The following ASIC2 variants were observed in gnomAD, a reference collection of about 807,000 sequenced individuals.
The protein encoded by ASIC2 is acid-sensing ion channel 2.
Under a neutral mutation model 57.3 loss-of-function variants are expected in ASIC2, and 25 were observed. That is an observed-to-expected ratio of 0.44 (90% CI 0.32 to 0.61). The LOEUF is 0.61. Ranked by LOEUF, ASIC2 falls within the 20% of genes least tolerant of loss-of-function variation. The pLI, the probability that ASIC2 is intolerant of heterozygous loss-of-function variation, is 0.06. For missense variants in ASIC2, 641 were observed against 738.1 expected, an observed-to-expected ratio of 0.87 and a Z score of 1.52; for synonymous variants, 319 against 307.5, an observed-to-expected ratio of 1.04 and a Z score of -0.39.
chr17:33,386,275 A>T (rs992598466), intron 1 of ASIC2, among the ~76,000 whole-genome samples: 1 of 152,134 alleles, frequency 6.6e-6, no homozygotes, highest in East Asian at 1.9e-4. Context: ...CTAGGTGTCC[A>T]CTTTGCTTCT....
At chr17:34,083,968 A>G (rs532329944) in intron 1 of ASIC2, among the ~76,000 whole-genome samples, 1 of 152,180 alleles carries the variant, frequency 6.6e-6, no homozygotes, top group South Asian at 2.1e-4. Flanking sequence ...CCCATTCTGT[A>G]GGTTGCCTGT....
chr17:33,696,277 C>T (rs1468788492), intron 1 of ASIC2, among the ~76,000 whole-genome samples: 1 of 152,202 alleles, frequency 6.6e-6, no homozygotes, highest in Non-Finnish European at 1.5e-5. Flanking sequence ...CTTGTACAGA[C>T]TGACCCAGCT....
chr17:33,170,302 AT>A lies in ASIC2; in HGVS notation c.709-58236del, dbSNP rs370573263. Among the ~76,000 whole-genome samples, 26 of 152,356 alleles carry A rather than the reference AT, an allele frequency of 1.7e-4. No individual in the cohort carries two copies. The South Asian group carries it at 4.8e-3, about 28-fold the overall frequency. Reference sequence around the variant, plus strand: ...TGAGAAGTTTAGATATAAGAAAATCATCAGTGATTACTTATATTACAAAAAG... The same window carrying A: ...TGAGAAGTTTAGATATAAGAAAATCACAGTGATTACTTATATTACAAAAAG... On this transcript the variant is annotated intron_variant, in intron 1 of 9. Transcript: ENST00000225823.
chr17:33,087,266 C>T (rs2092137930), intron 3 of ASIC2, among the ~76,000 whole-genome samples: 1 of 152,158 alleles, frequency 6.6e-6, no homozygotes, highest in Non-Finnish European at 1.5e-5. Context: ...CCTCCTTTGT[C>T]CTCAAGGATA....
chr17:33,406,393 A>T (rs899374082), intron 1 of ASIC2, among the ~76,000 whole-genome samples: 1 of 152,186 alleles, frequency 6.6e-6, no homozygotes, highest in African/African-American at 2.4e-5. Flanking sequence ...ATAAATAATG[A>T]TGGGTGGGCC....
At chr17:33,362,812 T>C (rs1280808803) in intron 1 of ASIC2, among the ~76,000 whole-genome samples, 1 of 152,184 alleles carries the variant, frequency 6.6e-6, no homozygotes, top group Non-Finnish European at 1.5e-5. Context: ...AGAGCAGGCA[T>C]TGTTTGAGCA....
At chr17:33,103,954 C>T (rs991570862) in intron 2 of ASIC2, among the ~76,000 whole-genome samples, 1 of 152,184 alleles carries the variant, frequency 6.6e-6, no homozygotes, top group Non-Finnish European at 1.5e-5. Flanking sequence ...TTTACCTCCA[C>T]CTCTCAAACC....
intron 1 of ASIC2, among the ~76,000 whole-genome samples, chr17:33,710,244 G>A (rs1350209160): frequency 6.6e-6 from 1 of 152,170 alleles, no homozygotes; most frequent in African/African-American, 2.4e-5. Flanking sequence ...CCCACCACAG[G>A]TAAAGAAGCT....
At chr17:34,063,094 G>A (rs559515152) in intron 1 of ASIC2, among the ~76,000 whole-genome samples, 2 of 152,262 alleles carry the variant, frequency 1.3e-5, no homozygotes, top group East Asian at 3.9e-4. Flanking sequence ...CGATATCCTT[G>A]ATGAACATAG....
At chr17:33,492,376 A>G (rs1367221277) in intron 1 of ASIC2, among the ~76,000 whole-genome samples, 3 of 152,178 alleles carry the variant, frequency 2.0e-5, no homozygotes, top group African/African-American at 7.2e-5. Context: ...CTTCAACCAT[A>G]AATGGGAATG....
intron 1 of ASIC2, among the ~76,000 whole-genome samples, chr17:33,625,155 CTA>C (rs1484396020): frequency 4.6e-5 from 7 of 152,110 alleles, no homozygotes; most frequent in Non-Finnish European, 1.0e-4. Flanking sequence ...ATCTATCTAT[CTA>C]TCTATCTATC....
intron 1 of ASIC2, among the ~76,000 whole-genome samples, chr17:33,886,284 T>C (rs1284637280): frequency 1.3e-5 from 2 of 152,060 alleles, no homozygotes; most frequent in East Asian, 3.9e-4. Context: ...CACATCTCAT[T>C]GGCCAAGGTA....
intron 1 of ASIC2, among the ~76,000 whole-genome samples, chr17:33,379,149 G>A (rs550479053): frequency 3.5e-4 from 53 of 152,252 alleles, no homozygotes; most frequent in Admixed American, 6.5e-4. Flanking sequence ...TGGCTTTCAC[G>A]GGTAGTGATG....
intron 1 of ASIC2, among the ~76,000 whole-genome samples, chr17:33,364,315 T>A (rs556373589): frequency 6.6e-6 from 1 of 152,266 alleles, no homozygotes; most frequent in South Asian, 2.1e-4. Context: ...TCTGCACTGT[T>A]AATAGAAATG....
At chr17:33,080,336 G>A (rs569846936) in intron 3 of ASIC2, among the ~76,000 whole-genome samples, 1 of 152,128 alleles carries the variant, frequency 6.6e-6, no homozygotes, top group Non-Finnish European at 1.5e-5. Flanking sequence ...CAGAGGCTGG[G>A]TTTAGCCAAA....
chr17:33,963,263 C>T (rs571789152), intron 1 of ASIC2, among the ~76,000 whole-genome samples: 1 of 152,284 alleles, frequency 6.6e-6, no homozygotes, highest in East Asian at 1.9e-4. Context: ...CTGCTCTCTA[C>T]GTTGCATCGC....
At chr17:33,548,017 C>G (rs1467323007) in intron 1 of ASIC2, among the ~76,000 whole-genome samples, 1 of 152,190 alleles carries the variant, frequency 6.6e-6, no homozygotes, top group African/African-American at 2.4e-5. Flanking sequence ...CAGCAAAGTT[C>G]TTGGAGCTTA....
At chr17:33,236,082 G>C (rs892418231) in intron 1 of ASIC2, among the ~76,000 whole-genome samples, 4 of 152,124 alleles carry the variant, frequency 2.6e-5, no homozygotes, top group African/African-American at 9.7e-5. Flanking sequence ...TGATCTGCCT[G>C]CCTCGGCCTC....
chr17:33,043,863 T>C (rs1437436783), intron 3 of ASIC2, among the ~76,000 whole-genome samples: 1 of 152,164 alleles, frequency 6.6e-6, no homozygotes, highest in Non-Finnish European at 1.5e-5. Flanking sequence ...CACAGCTGAT[T>C]GTTGTGCTGG....
Sources: allele counts gnomAD v4.1 joint callset (sites outside exome capture counted in the v4.1 genomes callset), GRCh38; gene constraint gnomAD v4.1.1; transcripts MANE v1.5; gene names NCBI Gene and HGNC (gene_info 2026-07-23, HGNC 2026-07-21).